Variants in CELF4 observed in about 807,000 individuals in gnomAD.
CELF4 encodes CUG-BP- and ETR-3-like factor 4.
In CELF4, 18 loss-of-function variants were observed where a neutral mutation model predicts 59.9. The observed-to-expected ratio is 0.30, with a 90% CI of 0.21 to 0.45. The LOEUF is 0.45. CELF4 is among the 20% of genes least tolerant of loss of function. The pLI, the probability that CELF4 is intolerant of heterozygous loss-of-function variation, is 1.00. For synonymous variants in CELF4, 261 were observed against 267.1 expected, an observed-to-expected ratio of 0.98 and a Z score of 0.22; for missense variants, 456 against 689.0, an observed-to-expected ratio of 0.66 and a Z score of 3.79.
rs531937527 is a variant in CELF4, at chr18:37,341,327, G to A, written c.370-19446C>T. On this transcript the variant is annotated intron_variant, in intron 2 of 12. Transcript: ENST00000420428. Reference sequence around the variant, plus strand: ...GTGCCCACACTGGGCAGCTAGCTCAGCATGCGATGTGCTGCTGACAGTGGG... The same window carrying A: ...GTGCCCACACTGGGCAGCTAGCTCAACATGCGATGTGCTGCTGACAGTGGG... Among the ~76,000 whole-genome samples, 17 of 152,350 alleles carry A rather than the reference G, an allele frequency of 1.1e-4. No individual in the cohort carries two copies. The South Asian group carries it at 3.5e-3, about 32-fold the overall frequency.
chr18:37,334,761 C>A (rs183440663), intron 2 of CELF4, among the ~76,000 whole-genome samples: 1 of 151,748 alleles, frequency 6.6e-6, no homozygotes, highest in African/African-American at 2.4e-5. Context: ...CTGTGGCTCC[C>A]GGGCCTCAAT....
intron 2 of CELF4, among the ~76,000 whole-genome samples, chr18:37,354,192 G>C (rs1289605559): frequency 6.6e-6 from 1 of 152,148 alleles, no homozygotes; most frequent in Non-Finnish European, 1.5e-5. Flanking sequence ...TGTGCCAGGA[G>C]CTCACTTCCC....
At chr18:37,274,777 GC>G (rs756940136) in intron 5 of CELF4, 27 bp downstream of exon 5, 1 of 1,548,566 alleles carries the variant, frequency 6.5e-7, no homozygotes, top group Middle Eastern at 1.9e-4. Context: ...CGCTGCCCTC[GC>G]CCCCGCCCCA....
At chr18:37,381,493 C>A (rs1374991684) in intron 2 of CELF4, among the ~76,000 whole-genome samples, 1 of 152,036 alleles carries the variant, frequency 6.6e-6, no homozygotes, top group Non-Finnish European at 1.5e-5. Context: ...GAGGTGGGAG[C>A]CTTGCAGGCA....
rs1244844974 is a variant in CELF4 at position 37,287,831 on chromosome 18, TGATA to T, written c.449-12592_449-12589del. 4.6e-5 allele frequency among the ~76,000 whole-genome samples: 7 copies of T among 152,294 alleles called. No individual in the cohort carries two copies. In the South Asian group the frequency reaches 6.2e-4, roughly 14 times the overall value. On this transcript the variant is annotated intron_variant, in intron 3 of 12. Transcript: ENST00000420428. Reference sequence around the variant, plus strand: ...CTAGATATCCAGATTAAATGTTAGATGATAGATAGATACACAGATGAAAGAAAAA... The same window carrying T: ...CTAGATATCCAGATTAAATGTTAGATGATAGATACACAGATGAAAGAAAAA...
chr18:37,281,669 T>C (rs992674249), intron 3 of CELF4, among the ~76,000 whole-genome samples: 1 of 152,006 alleles, frequency 6.6e-6, no homozygotes. Context: ...GCTGGAGGCC[T>C]CTTTCCTGCT....
intron 2 of CELF4, among the ~76,000 whole-genome samples, chr18:37,424,335 G>T (rs967273909): frequency 2.0e-5 from 3 of 152,108 alleles, no homozygotes; most frequent in African/African-American, 7.2e-5. Context: ...GGGGGCAGAG[G>T]GCAGTCTAGA....
At chr18:37,525,771 T>A (rs1169590844) in intron 1 of CELF4, among the ~76,000 whole-genome samples, 1 of 152,108 alleles carries the variant, frequency 6.6e-6, no homozygotes, top group Non-Finnish European at 1.5e-5. Flanking sequence ...CTTTCTCCCT[T>A]TAAAGAAGGA....
At chr18:37,321,110 G>A (rs1174529112) in intron 3 of CELF4, among the ~76,000 whole-genome samples, 4 of 152,124 alleles carry the variant, frequency 2.6e-5, no homozygotes. Context: ...AGACACACAG[G>A]CACTGTGCCA....
chr18:37,488,662 C>A, intron 1 of CELF4, among the ~76,000 whole-genome samples: 1 of 152,122 alleles, frequency 6.6e-6, no homozygotes, highest in East Asian at 1.9e-4. Flanking sequence ...CCCCCTTCAC[C>A]CCCAAGTTGA....
intron 2 of CELF4, among the ~76,000 whole-genome samples, chr18:37,356,512 G>A (rs1043822983): frequency 1.3e-5 from 2 of 152,108 alleles, no homozygotes; most frequent in African/African-American, 4.8e-5. Flanking sequence ...ATTGGTGCTG[G>A]GAAGGCCAGA....
chr18:37,309,630 T>A (rs2096572689), intron 3 of CELF4, among the ~76,000 whole-genome samples: 1 of 152,034 alleles, frequency 6.6e-6, no homozygotes, highest in African/African-American at 2.4e-5. Flanking sequence ...CCTGGTAAGC[T>A]TGGGCTAGAG....
chr18:37,274,148 T>C, intron 6 of CELF4, 163 bp downstream of exon 6: 1 of 1,452,168 alleles, frequency 6.9e-7, no homozygotes, highest in Non-Finnish European at 9.0e-7. Context: ...TTCAAACCCT[T>C]CTGAAGTTAA....
intron 1 of CELF4, among the ~76,000 whole-genome samples, chr18:37,503,371 T>A (rs1463031386): frequency 1.3e-5 from 2 of 152,216 alleles, no homozygotes; most frequent in African/African-American, 4.8e-5. Context: ...TTATGACTCC[T>A]GGCCCGTGGC....
chr18:37,326,379 C>T (rs895138829), intron 2 of CELF4, among the ~76,000 whole-genome samples: 4 of 152,156 alleles, frequency 2.6e-5, no homozygotes, highest in Admixed American at 2.6e-4. Flanking sequence ...TTCCTGCCCC[C>T]GTCTCTGCTC....
At chr18:37,560,039 C>T (rs1206898323) in intron 1 of CELF4, among the ~76,000 whole-genome samples, 1 of 152,194 alleles carries the variant, frequency 6.6e-6, no homozygotes, top group Non-Finnish European at 1.5e-5. Flanking sequence ...CCACAAACAT[C>T]CAGCCAATTG....
At chr18:37,439,392 T>G (rs1020119674) in intron 2 of CELF4, among the ~76,000 whole-genome samples, 2 of 152,098 alleles carry the variant, frequency 1.3e-5, no homozygotes, top group African/African-American at 4.8e-5. Context: ...TTTCTGATCA[T>G]GTGTGTGCAT....
intron 2 of CELF4, among the ~76,000 whole-genome samples, chr18:37,423,042 A>G (rs977076697): frequency 2.0e-5 from 3 of 150,956 alleles, no homozygotes; most frequent in African/African-American, 4.9e-5. Context: ...CAGGTTCTAC[A>G]CATAGACACA....
chr18:37,309,221 A>G (rs1189559861), intron 3 of CELF4, among the ~76,000 whole-genome samples: 1 of 152,182 alleles, frequency 6.6e-6, no homozygotes, highest in African/African-American at 2.4e-5. Flanking sequence ...CACAGATCCG[A>G]GGGAGGACAG....
Sources: allele counts gnomAD v4.1 joint callset (sites outside exome capture counted in the v4.1 genomes callset), GRCh38; gene constraint gnomAD v4.1.1; transcripts MANE v1.5; gene names NCBI Gene and HGNC (gene_info 2026-07-23, HGNC 2026-07-21).